The following CA13 variants were observed in gnomAD, a reference collection of about 807,000 sequenced individuals.
CA13 encodes the protein carbonic anhydrase 13.
In CA13, 21 loss-of-function variants were observed where a neutral mutation model predicts 31.5. The ratio of observed to expected loss-of-function variants is 0.67; its 90% CI spans 0.47 to 0.96. The LOEUF is 0.96. Ranked by LOEUF, CA13 falls within the 40% of genes least tolerant of loss-of-function variation. The probability of loss-of-function intolerance (pLI) is 0.00; values close to 1 mark genes in which losing one functional copy is unlikely to be tolerated. For synonymous variants in CA13, 117 were observed against 111.4 expected, an observed-to-expected ratio of 1.05 and a Z score of -0.32; for missense variants, 315 against 318.9, an observed-to-expected ratio of 0.99 and a Z score of 0.09.
At chr8:85,258,467 CA>C (rs1360828700) in intron 2 of CA13, among the ~76,000 whole-genome samples, 1 of 151,994 alleles carries the variant, frequency 6.6e-6, no homozygotes, top group African/African-American at 2.4e-5. Flanking sequence ...AATTTAAGGA[CA>C]AAAGGTATGC....
rs771590034 is a variant in CA13 at position 85,268,436 on chromosome 8, C to T, written c.514-36C>T. The T allele has an allele frequency of 1.7e-5, 27 of 1,606,786 alleles. 2 individuals are homozygous for T. In the South Asian group the frequency reaches 2.8e-4, roughly 16 times the overall value. On this transcript the variant is annotated intron_variant, in intron 5 of 6. Coordinates refer to ENST00000321764, the MANE Select transcript of CA13 (RefSeq NM_198584.3). ...TTTTGAGGTCTATGTAGAGCTATCCCATTGTAATTTGTGGGAATTCTTTTT... is the reference window on the plus strand; with the variant it reads ...TTTTGAGGTCTATGTAGAGCTATCCTATTGTAATTTGTGGGAATTCTTTTT...
intron 3 of CA13, among the ~76,000 whole-genome samples, 186 bp from the exon 4 acceptor site, chr8:85,266,422 T>A (rs969924218): frequency 6.6e-6 from 1 of 152,218 alleles, no homozygotes; most frequent in African/African-American, 2.4e-5. Flanking sequence ...GTGACTGTGA[T>A]CCTTCACTGC....
intron 1 of CA13, among the ~76,000 whole-genome samples, chr8:85,248,957 A>T (rs1320082317): frequency 6.6e-6 from 1 of 152,240 alleles, no homozygotes; most frequent in African/African-American, 2.4e-5. Flanking sequence ...TCTAGGTTAT[A>T]TATAGAAAAA....
intron 6 of CA13, among the ~76,000 whole-genome samples, chr8:85,272,354 C>G (rs985957028): frequency 3.3e-5 from 5 of 151,978 alleles, no homozygotes; most frequent in African/African-American, 4.8e-5. Context: ...CTCCCAGGTT[C>G]AAGTGATTCT....
chr8:85,256,689 A>G (rs1487149557), intron 2 of CA13, among the ~76,000 whole-genome samples: 1 of 152,252 alleles, frequency 6.6e-6, no homozygotes, highest in African/African-American at 2.4e-5. Flanking sequence ...TGTGACAATT[A>G]TATAAAGCTC....
At position 85,259,407 on chromosome 8, in the gene CA13, A is replaced by T. The variant is rs1564001599; in HGVS notation, c.236-14A>T. 6.2e-7 allele frequency: 1 copy of T among 1,603,028 alleles called. No individual in the cohort carries two copies. Among genetic ancestry groups the T allele is most frequent in the Non-Finnish European group, 8.5e-7 (1 of 1,170,280 alleles). ...TTTTTCCTTGCTAACAATATAAAAC[A>T]TGTTGTTGTTTAGTTCTGCGTGGTG... is the stretch of plus-strand genomic sequence containing the variant. On this transcript the variant is annotated splice_polypyrimidine_tract_variant and intron_variant, in intron 2 of 6. Transcript: ENST00000321764.
At chr8:85,257,343 C>T (rs1266436221) in intron 2 of CA13, among the ~76,000 whole-genome samples, 1 of 152,132 alleles carries the variant, frequency 6.6e-6, no homozygotes, top group Non-Finnish European at 1.5e-5. Context: ...ATCCTGTTGC[C>T]AGCTTGCTTG....
intron 2 of CA13, 54 bp downstream of exon 2, chr8:85,250,991 A>G: frequency 1.8e-6 from 2 of 1,101,208 alleles, no homozygotes. Flanking sequence ...TTGAATGATT[A>G]GACTATACTC....
chr8:85,283,005 A>C lies in CA13; in HGVS notation c.*1656A>C, dbSNP rs1452258872. The C allele has an allele frequency of 2.0e-5, 3 of 151,312 alleles. No individual in the cohort carries two copies. The highest frequency in any genetic ancestry group is 4.9e-5 in the African/African-American group (2 of 41,088). 9.4% of individuals were successfully genotyped at this position (151,312 alleles called of 1,614,324 possible). ...AGTGGCACGATCTTGGCTCACTGCA[A>C]CCTCCATCTCCCGGGTTCAAATGAT... On this transcript the variant is annotated 3_prime_UTR_variant, in exon 7 of 7. Coordinates refer to ENST00000321764, the MANE Select transcript of CA13 (RefSeq NM_198584.3).
At chr8:85,252,088 T>C (rs1251221082) in intron 2 of CA13, among the ~76,000 whole-genome samples, 3 of 152,054 alleles carry the variant, frequency 2.0e-5, no homozygotes, top group South Asian at 2.1e-4. Context: ...TGAGAACTTA[T>C]CTCTACAAAA....
At position 85,250,948 on chromosome 8, in the gene CA13, CT is replaced by C. The variant is rs747839649; in HGVS notation, c.235+18del. On this transcript the variant is annotated intron_variant, in intron 2 of 6. Coordinates refer to ENST00000321764, the MANE Select transcript of CA13 (RefSeq NM_198584.3). ...CAGAGAACAAATCAGGTTGGCTTTT[CT>C]TTTTTTGTGTGTGTGGTGGTGGATG... 25 of 1,590,820 alleles carry C rather than the reference CT, an allele frequency of 1.6e-5. No homozygotes were observed. Among genetic ancestry groups the C allele is most frequent in the Middle Eastern group, 3.4e-4 (2 of 5,908 alleles).
At chr8:85,249,289 A>G (rs954776513) in intron 1 of CA13, among the ~76,000 whole-genome samples, 1 of 152,176 alleles carries the variant, frequency 6.6e-6, no homozygotes, top group Admixed American at 6.5e-5. Context: ...ACTTGAGCCC[A>G]TGAGTTTGAG....
intron 2 of CA13, 77 bp from the exon 3 acceptor site, chr8:85,259,344 C>G: frequency 8.8e-7 from 1 of 1,138,448 alleles, no homozygotes; most frequent in East Asian, 2.4e-5. Flanking sequence ...TGGAGTAATT[C>G]AGGGAGATGT....
intron 4 of CA13, chr8:85,267,383 T>A (rs1263797935): frequency 1.4e-6 from 1 of 695,580 alleles, no homozygotes; most frequent in East Asian, 1.3e-4. Flanking sequence ...CCTGTAATAA[T>A]GAAAAGAGGA....
intron 3 of CA13, among the ~76,000 whole-genome samples, chr8:85,260,353 C>T (rs1298283382): frequency 1.3e-5 from 2 of 152,154 alleles, no homozygotes; most frequent in Non-Finnish European, 1.5e-5. Flanking sequence ...ATACTATTCA[C>T]GTGAAAATAA....
chr8:85,264,177 A>T (rs1390032206), intron 3 of CA13, among the ~76,000 whole-genome samples: 2 of 152,260 alleles, frequency 1.3e-5, no homozygotes, highest in East Asian at 3.8e-4. Flanking sequence ...AAGTTTAGGC[A>T]GAATATATAG....
intron 6 of CA13, among the ~76,000 whole-genome samples, 178 bp downstream of exon 6, chr8:85,268,805 T>G (rs1343937738): frequency 1.3e-5 from 2 of 152,136 alleles, no homozygotes; most frequent in Non-Finnish European, 2.9e-5. Flanking sequence ...GACCTGTGAT[T>G]AGATGATTTA....
At chr8:85,257,888 T>C (rs1587537415) in intron 2 of CA13, among the ~76,000 whole-genome samples, 2 of 148,176 alleles carry the variant, frequency 1.3e-5, no homozygotes, top group Middle Eastern at 3.5e-3. Flanking sequence ...TGCCTCAGCC[T>C]CCCAAAGTGC....
chr8:85,245,722 G>A lies in CA13; in HGVS notation c.-107G>A. ...TCACGGTCTCGCACTCCTGCCGCCGGCGCCCCGCGGTCCCGCCCTAGCAGG... is the reference window on the plus strand; with the variant it reads ...TCACGGTCTCGCACTCCTGCCGCCGACGCCCCGCGGTCCCGCCCTAGCAGG... On this transcript the variant is annotated 5_prime_UTR_variant, in exon 1 of 7. Transcript: ENST00000321764. The A allele has an allele frequency of 3.8e-6, 5 of 1,317,082 alleles. No homozygotes were observed. The highest frequency in any genetic ancestry group is 5.4e-6 in the Non-Finnish European group (5 of 919,742). The allele number at this position is 1,317,082 out of a possible 1,614,324, so 81.6% of individuals were successfully genotyped here.
Sources: gnomAD v4.1 joint callset for allele counts (sites outside exome capture counted in the v4.1 genomes callset) on GRCh38, gnomAD v4.1.1 for gene constraint, MANE v1.5 for transcripts, NCBI Gene and HGNC (gene_info 2026-07-23, HGNC 2026-07-21) for gene names.